SENP7: variants seen among roughly 807,000 people sequenced by gnomAD.
SENP7 encodes the protein sentrin-specific protease 7.
SENP7 carries 64 observed loss-of-function variants against 141.2 expected under a neutral mutation model. The ratio of observed to expected loss-of-function variants is 0.45; its 90% CI spans 0.37 to 0.56. The LOEUF (loss-of-function observed/expected upper bound fraction) is 0.56, where lower values mean the gene tolerates loss of function less well. SENP7 is among the 20% of genes least tolerant of loss of function. The pLI is 0.00. For missense variants in SENP7, 1,025 were observed against 1,212.2 expected, an observed-to-expected ratio of 0.85 and a Z score of 2.29; for synonymous variants, 382 against 426.4, an observed-to-expected ratio of 0.90 and a Z score of 1.28.
intron 3 of SENP7, among the ~76,000 whole-genome samples, chr3:101,484,725 G>A (rs2064652897): frequency 6.6e-6 from 1 of 152,166 alleles, no homozygotes. Context: ...AAAAGGCCCT[G>A]GGAGCTCGCT....
intron 5 of SENP7, among the ~76,000 whole-genome samples, chr3:101,400,960 T>C (rs2061120863): frequency 6.6e-6 from 1 of 151,992 alleles, no homozygotes; most frequent in Non-Finnish European, 1.5e-5. Flanking sequence ...CATCCAGCCA[T>C]GGCAGTACAT....
chr3:101,487,432 G>T (rs1436557168), intron 3 of SENP7, among the ~76,000 whole-genome samples: 1 of 151,836 alleles, frequency 6.6e-6, no homozygotes, highest in East Asian at 1.9e-4. Flanking sequence ...ATTTTGTTTT[G>T]TTTTTTTGCT....
chr3:101,506,403 C>T (rs1034552054), intron 1 of SENP7, among the ~76,000 whole-genome samples: 1 of 151,872 alleles, frequency 6.6e-6, no homozygotes, highest in Non-Finnish European at 1.5e-5. Flanking sequence ...ATCCTTATAT[C>T]ATGAAATCAA....
chr3:101,358,167 C>T, intron 11 of SENP7: 2 of 551,974 alleles, frequency 3.6e-6, no homozygotes, highest in South Asian at 3.3e-5. Context: ...TGGAGATATA[C>T]CCTACAAATG....
intron 3 of SENP7, among the ~76,000 whole-genome samples, chr3:101,477,499 T>TA (rs60916302): frequency 0.4 from 60,066 of 151,406 alleles, 12,410 homozygotes; most frequent in Admixed American, 0.53. Context: ...AGATTTTAAG[T>TA]AAAAAAAACC....
At chr3:101,488,236 T>A (rs1450979030) in intron 3 of SENP7, among the ~76,000 whole-genome samples, 2 of 152,186 alleles carry the variant, frequency 1.3e-5, no homozygotes, top group African/African-American at 4.8e-5. Context: ...AATGGGATTG[T>A]GTTCTTGATT....
intron 4 of SENP7, among the ~76,000 whole-genome samples, chr3:101,432,783 A>C (rs1216993963): frequency 6.6e-6 from 1 of 152,208 alleles, no homozygotes; most frequent in Non-Finnish European, 1.5e-5. Context: ...AAATATCTGA[A>C]AAGCCTTCCC....
intron 3 of SENP7, among the ~76,000 whole-genome samples, chr3:101,470,755 T>C (rs111681973): frequency 0.095 from 14,388 of 152,164 alleles, 801 homozygotes; most frequent in African/African-American, 0.15. Flanking sequence ...GAAAACCCCA[T>C]TGTCTCAGCC....
At chr3:101,356,710 C>A (rs1323736592) in intron 11 of SENP7, among the ~76,000 whole-genome samples, 2 of 151,586 alleles carry the variant, frequency 1.3e-5, no homozygotes, top group East Asian at 1.9e-4. Flanking sequence ...CTGGTGTTTT[C>A]TAAGCAGTAA....
intron 6 of SENP7, among the ~76,000 whole-genome samples, chr3:101,376,685 A>G (rs1040875756): frequency 7.2e-5 from 11 of 152,162 alleles, no homozygotes; most frequent in East Asian, 3.9e-4. Flanking sequence ...CCTAATGTTA[A>G]ATGACGAGTT....
intron 4 of SENP7, among the ~76,000 whole-genome samples, chr3:101,454,540 A>C (rs902827058): frequency 6.6e-6 from 1 of 152,108 alleles, no homozygotes; most frequent in Non-Finnish European, 1.5e-5. Context: ...AAAAAAGAAA[A>C]CATATGTCTA....
In SENP7 at chr3:101,327,923, G is replaced by A. The variant is rs190636203; in HGVS notation, c.2865-107C>T. The A allele has an allele frequency of 1.6e-4, 137 of 883,264 alleles. No individual in the cohort carries two copies. In the East Asian group the frequency reaches 3.9e-3, roughly 25 times the overall value. 54.7% of individuals were successfully genotyped at this position (883,264 alleles called of 1,614,324 possible). ...TTTGTTGCCAGATGTGCTGTCTCAA[G>A]CCAAATTTCCACACTGAATTTTAGC... On this transcript the variant is annotated intron_variant, in intron 22 of 23. Transcript: ENST00000394095.
chr3:101,440,639 TGAA>T (rs531872925), intron 4 of SENP7, among the ~76,000 whole-genome samples: 36 of 139,146 alleles, frequency 2.6e-4, no homozygotes, highest in East Asian at 2.1e-4. Context: ...CAGAAAACAA[TGAA>T]GGAGAGAAAG....
At chr3:101,455,211 T>C (rs1056748729) in intron 4 of SENP7, among the ~76,000 whole-genome samples, 5 of 152,144 alleles carry the variant, frequency 3.3e-5, no homozygotes, top group African/African-American at 1.2e-4. Flanking sequence ...GAATTCAATG[T>C]TATTAAAACA....
chr3:101,377,490 G>A, intron 6 of SENP7, among the ~76,000 whole-genome samples: 1 of 152,186 alleles, frequency 6.6e-6, no homozygotes, highest in East Asian at 1.9e-4. Flanking sequence ...TAGTCATAAA[G>A]GGGGTCGCAC....
At chr3:101,480,687 G>A (rs1268498583) in intron 3 of SENP7, among the ~76,000 whole-genome samples, 2 of 152,038 alleles carry the variant, frequency 1.3e-5, no homozygotes, top group African/African-American at 4.8e-5. Context: ...TCAATAGAAT[G>A]AAGAGACAGT....
chr3:101,347,674 A>G, intron 13 of SENP7, 198 bp downstream of exon 13: 2 of 310,328 alleles, frequency 6.4e-6, no homozygotes, highest in Non-Finnish European at 1.2e-5. Context: ...GTGAGCAGAG[A>G]TAGTGCCACT....
At chr3:101,421,245 T>C (rs2061783611) in intron 4 of SENP7, among the ~76,000 whole-genome samples, 1 of 152,114 alleles carries the variant, frequency 6.6e-6, no homozygotes, top group South Asian at 2.1e-4. Flanking sequence ...TATATGTATA[T>C]ATGTGATGCC....
At chr3:101,457,803 G>T in intron 4 of SENP7, 1 of 602,804 alleles carries the variant, frequency 1.7e-6, no homozygotes, top group Non-Finnish European at 3.0e-6. Context: ...GACCAGCTGA[G>T]ATTAGGCGCA....
Sources: gnomAD v4.1 joint callset for allele counts (sites outside exome capture counted in the v4.1 genomes callset) on GRCh38, gnomAD v4.1.1 for gene constraint, MANE v1.5 for transcripts, NCBI Gene and HGNC (gene_info 2026-07-23, HGNC 2026-07-21) for gene names.